ITPK1: variants seen among roughly 807,000 people sequenced by gnomAD.
ITPK1 encodes the protein inositol 1,3,4-trisphosphate 5/6-kinase.
Under a neutral mutation model 45.3 loss-of-function variants are expected in ITPK1, and 21 were observed. That is an observed-to-expected ratio of 0.46 (90% CI 0.33 to 0.67). The LOEUF (loss-of-function observed/expected upper bound fraction) is 0.67, where lower values mean the gene tolerates loss of function less well. Ranked by LOEUF, ITPK1 falls within the 30% of genes least tolerant of loss-of-function variation. The pLI, the probability that ITPK1 is intolerant of heterozygous loss-of-function variation, is 0.02. For synonymous variants in ITPK1, 258 were observed against 253.6 expected (o/e 1.02, Z -0.16); for missense variants, 474 against 573.5 (o/e 0.83, Z 1.77).
intron 2 of ITPK1, among the ~76,000 whole-genome samples, chr14:93,080,974 G>T (rs1891411618): frequency 6.6e-6 from 1 of 150,602 alleles, no homozygotes; most frequent in Admixed American, 6.6e-5. Flanking sequence ...GACCTCAAAA[G>T]TGCTGGGATT....
At chr14:93,030,843 G>C (rs910294748) in intron 3 of ITPK1, among the ~76,000 whole-genome samples, 2 of 152,190 alleles carry the variant, frequency 1.3e-5, no homozygotes, top group African/African-American at 4.8e-5. Flanking sequence ...TAGGTCCCTA[G>C]TCCACGATGA....
At chr14:93,103,116 AAG>A (rs1211589628) in intron 2 of ITPK1, among the ~76,000 whole-genome samples, 1 of 145,392 alleles carries the variant, frequency 6.9e-6, no homozygotes, top group Non-Finnish European at 1.5e-5. Context: ...AAAAAAAAAA[AAG>A]AAAGAAAGAA....
intron 3 of ITPK1, among the ~76,000 whole-genome samples, chr14:93,022,694 T>C (rs1233774843): frequency 6.6e-6 from 1 of 152,050 alleles, no homozygotes; most frequent in African/African-American, 2.4e-5. Context: ...GTATTTTTAG[T>C]AGAGATGGGT....
chr14:92,978,086 C>A lies in ITPK1; in HGVS notation c.365-15237G>T, dbSNP rs188790547. On this transcript the variant is annotated intron_variant, in intron 5 of 10. Transcript: ENST00000267615. ...ACAGTGAAGTCCAGGCTGAGTAGGT[C>A]TCAGATGGAGATGAGGAACTTACTG... Among the ~76,000 whole-genome samples the A allele has an allele frequency of 2.0e-5, 3 of 152,060 alleles. No individual in the cohort carries two copies. The South Asian group carries it at 6.2e-4, about 31-fold the overall frequency.
intron 4 of ITPK1, among the ~76,000 whole-genome samples, chr14:92,997,701 T>C (rs937202656): frequency 6.6e-6 from 1 of 152,192 alleles, no homozygotes; most frequent in South Asian, 2.1e-4. Context: ...TGTAAGCACA[T>C]GTTCCCTCGC....
At chr14:93,048,618 G>A (rs1204707744) in intron 3 of ITPK1, among the ~76,000 whole-genome samples, 60 of 152,170 alleles carry the variant, frequency 3.9e-4, no homozygotes, top group Admixed American at 3.9e-3. Flanking sequence ...GGAAGAAGGG[G>A]CCAGGGCGAA....
chr14:92,985,769 G>T (rs1886458847), intron 5 of ITPK1, among the ~76,000 whole-genome samples: 1 of 152,000 alleles, frequency 6.6e-6, no homozygotes, highest in Admixed American at 6.6e-5. Context: ...AGAAACACAG[G>T]ACTCACAGGG....
Position 93,014,163 on chromosome 14 carries a change from G to A in ITPK1, c.246+2513C>T, listed in dbSNP as rs755407935. On this transcript the variant is annotated intron_variant, in intron 4 of 10. Transcript: ENST00000267615. This position sits in a 1 kb window ranked among gnomAD's most constrained non-coding sequence, Gnocchi z 4.4. ...TATCAGTGCTGGGAGGTTATGGTGA[G>A]GTCACGGCAACCATCCCCCAAGACC... Among the ~76,000 whole-genome samples the A allele has an allele frequency of 6.6e-6, 1 of 152,156 alleles. No individual in the cohort carries two copies. The highest frequency in any genetic ancestry group is 1.5e-5 in the Non-Finnish European group (1 of 68,044).
intron 4 of ITPK1, among the ~76,000 whole-genome samples, chr14:92,998,097 G>A (rs938709081): frequency 6.6e-6 from 1 of 152,224 alleles, no homozygotes; most frequent in Non-Finnish European, 1.5e-5. Flanking sequence ...CATTGATTCT[G>A]TGTCTGGAGT....
Position 92,940,418 on chromosome 14 carries a change from G to T in ITPK1, c.*1143C>A. 1 of 1,038,980 alleles carries T rather than the reference G, an allele frequency of 9.6e-7. No individual in the cohort carries two copies. The highest frequency in any genetic ancestry group is 1.0e-4 in the East Asian group (1 of 9,908). The allele number at this position is 1,038,980 out of a possible 1,614,324, so 64.4% of individuals were successfully genotyped here. On this transcript the variant is annotated 3_prime_UTR_variant, in exon 11 of 11. Coordinates refer to ENST00000267615, the MANE Select transcript of ITPK1 (RefSeq NM_014216.6). ...GCCAGTGCTTTGCTGCCAAGGTGAT[G>T]GGGTGAGTCTGAGGTGTGCAGAAGC... is the stretch of plus-strand genomic sequence containing the variant.
At chr14:93,106,091 C>T (rs1892512501) in intron 2 of ITPK1, among the ~76,000 whole-genome samples, 2 of 152,304 alleles carry the variant, frequency 1.3e-5, no homozygotes, top group Non-Finnish European at 2.9e-5. Context: ...AGGTCAGGCG[C>T]GGCTTCCCTC....
chr14:93,035,898 G>A (rs1889295846), intron 3 of ITPK1, among the ~76,000 whole-genome samples: 1 of 152,232 alleles, frequency 6.6e-6, no homozygotes, highest in Non-Finnish European at 1.5e-5. Context: ...GGAGACCAGA[G>A]AGGTCCAAGG....
chr14:93,007,440 C>T (rs756109006), intron 4 of ITPK1, among the ~76,000 whole-genome samples: 1 of 152,082 alleles, frequency 6.6e-6, no homozygotes, highest in Non-Finnish European at 1.5e-5. Flanking sequence ...GCTCCCCTGC[C>T]TTGTCCGTGT....
chr14:93,104,468 A>T (rs375031858), intron 2 of ITPK1, among the ~76,000 whole-genome samples: 66 of 152,270 alleles, frequency 4.3e-4, no homozygotes, highest in African/African-American at 1.6e-3. Context: ...ATCTCAAAAA[A>T]AAAAAGAACA....
intron 4 of ITPK1, among the ~76,000 whole-genome samples, chr14:93,013,853 G>T (rs1321445782): frequency 1.3e-5 from 2 of 152,212 alleles, no homozygotes; most frequent in African/African-American, 4.8e-5. Flanking sequence ...ATGTGGTCTG[G>T]CTCTGAACTT....
rs145155727 is a variant in ITPK1, at chr14:93,050,428, G to A, written c.120+26167C>T. ...TAAGTGATTCACTCTTGAGTTCCAC[G>A]TGCTCCAAATGGTTCTCCAAGAGCC... On this transcript the variant is annotated intron_variant, in intron 3 of 10. Coordinates refer to ENST00000267615, the MANE Select transcript of ITPK1 (RefSeq NM_014216.6). Among the ~76,000 whole-genome samples, 646 of 152,266 alleles carry A rather than the reference G, an allele frequency of 4.2e-3. 2 individuals carry two copies. Among genetic ancestry groups the A allele is most frequent in the African/African-American group, 0.014 (579 of 41,550 alleles).
At position 92,938,914 on chromosome 14, in the gene ITPK1, A is replaced by G. The variant is rs1887227457; in HGVS notation, c.*2647T>C. On this transcript the variant is annotated 3_prime_UTR_variant, in exon 11 of 11. Coordinates refer to ENST00000267615, the MANE Select transcript of ITPK1 (RefSeq NM_014216.6). The stretch of plus-strand genomic sequence containing the variant: ...CAGACTGTGCAGGTGACCCTCTGAA[A>G]CTACCCAAGGACTCAGCCAAAGTGT... The G allele has an allele frequency of 3.8e-6, 1 of 260,456 alleles. No homozygotes were observed. Among genetic ancestry groups the G allele is most frequent in the Non-Finnish European group, 7.4e-6 (1 of 135,852 alleles). 16.1% of individuals were successfully genotyped at this position (260,456 alleles called of 1,614,324 possible).
At chr14:93,100,403 C>G (rs1302922679) in intron 2 of ITPK1, among the ~76,000 whole-genome samples, 1 of 152,098 alleles carries the variant, frequency 6.6e-6, no homozygotes, top group East Asian at 1.9e-4. Context: ...GATCACACAC[C>G]TAAGGAACGC....
At position 93,012,103 on chromosome 14, in the gene ITPK1, C is replaced by T. The variant is rs1365557129; in HGVS notation, c.246+4573G>A. 1.3e-5 allele frequency among the ~76,000 whole-genome samples: 2 copies of T among 152,168 alleles called. No individual in the cohort carries two copies. Among genetic ancestry groups the T allele is most frequent in the Non-Finnish European group, 2.9e-5 (2 of 68,030 alleles). ...TCCTCCCTCCGCAAGGCCATCAGGG[C>T]ACCCCATGAAAGGCCGCCCCAGCGC... On this transcript the variant is annotated intron_variant, in intron 4 of 10. Transcript: ENST00000267615. The surrounding 1 kb of genome is among the most constrained non-coding windows in gnomAD (Gnocchi z 4.9).
Sources: gnomAD v4.1 joint callset for allele counts (sites outside exome capture counted in the v4.1 genomes callset) on GRCh38, gnomAD v4.1.1 for gene constraint, Gnocchi (gnomAD v3.1) non-coding constraint, MANE v1.5 for transcripts, NCBI Gene and HGNC (gene_info 2026-07-23, HGNC 2026-07-21) for gene names.